The following SHISA2 variants were observed in gnomAD, a reference collection of about 807,000 sequenced individuals.
The protein encoded by SHISA2 is protein shisa-2 homolog.
A neutral mutation model predicts 23.8 loss-of-function variants in SHISA2; 16 were observed. The ratio of observed to expected loss-of-function variants is 0.67; its 90% CI spans 0.46 to 1.02. The LOEUF is 1.02. SHISA2 is among the 50% of genes least tolerant of loss of function. The probability of loss-of-function intolerance (pLI) is 0.00; values close to 1 mark genes in which losing one functional copy is unlikely to be tolerated. For synonymous variants in SHISA2, 201 were observed against 178.6 expected (o/e 1.13, Z -1.00); for missense variants, 459 against 420.1 (o/e 1.09, Z -0.81).
At chr13:26,049,247 A>T (rs774126733) in intron 1 of SHISA2, among the ~76,000 whole-genome samples, 2 of 152,220 alleles carry the variant, frequency 1.3e-5, no homozygotes, top group Non-Finnish European at 2.9e-5. Flanking sequence ...TAACGCTACT[A>T]TAAGCCCCCC....
At chr13:26,049,142 C>T (rs1196205650) in intron 1 of SHISA2, among the ~76,000 whole-genome samples, 2 of 152,146 alleles carry the variant, frequency 1.3e-5, no homozygotes, top group East Asian at 1.9e-4. Flanking sequence ...CTGAAACCAG[C>T]CTCAGTCCAC....
chr13:26,046,727 G>C lies in SHISA2; in HGVS notation c.674C>G (p.Ser225Cys), dbSNP rs753662494. ...GGTGGCCTGCTGACAGTTCAGCACAGAGAAATTCGTGGGCATGTTGACATA... is the reference window on the plus strand; with the variant it reads ...GGTGGCCTGCTGACAGTTCAGCACACAGAAATTCGTGGGCATGTTGACATA... ...NVYVNMPTNFSVLNCQQATQI... is the reference protein window; with the variant it reads ...NVYVNMPTNFCVLNCQQATQI... The change falls in exon 2 of 2, where the codon TCT (serine) becomes TGT (cysteine). Residue 225 changes from serine (S) to cysteine (C), a missense_variant. Transcript: ENST00000319420. 6.2e-7 allele frequency: 1 copy of C among 1,614,244 alleles called. No individual in the cohort carries two copies. Among genetic ancestry groups the C allele is most frequent in the South Asian group, 1.1e-5 (1 of 91,080 alleles).
rs1488919115 is a variant in SHISA2 at position 26,046,681 on chromosome 13, C to T, written c.720G>A (p.Gly240=). Residue 240 remains glycine (G), a synonymous_variant, in exon 2 of 2, where the codon GGG becomes GGA. Transcript: ENST00000319420. ...CCACGTATGGGGGATGCAGATACTG[C>T]CCTTGATGTGGCACAATCTGGGTGG... ...QQATQIVPHQ[G]QYLHPPYVGY... 1.1e-5 allele frequency: 17 copies of T among 1,614,218 alleles called. No homozygotes were observed. The East Asian group carries it at 3.1e-4, about 30-fold the overall frequency.
intron 1 of SHISA2, 77 bp downstream of exon 1, chr13:26,050,565 C>A (rs886729685): frequency 3.8e-6 from 5 of 1,317,904 alleles, no homozygotes; most frequent in Non-Finnish European, 4.9e-6. Flanking sequence ...GAATTTCCCC[C>A]CTTCAAACTC....
chr13:26,050,193 CAG>C (rs1309561852), intron 1 of SHISA2, among the ~76,000 whole-genome samples: 2 of 152,176 alleles, frequency 1.3e-5, no homozygotes, highest in African/African-American at 4.8e-5. Flanking sequence ...CACGGGGCAG[CAG>C]CCCCGGGAAA....
Position 26,045,378 on chromosome 13 carries a change from A to G in SHISA2, c.*1135T>C, listed in dbSNP as rs1342977869. The stretch of plus-strand genomic sequence containing the variant: ...GCGGGTGATAGTTTATGATTTCAAT[A>G]TAAAAAAGAATGCATTACCTCTCAG... On this transcript the variant is annotated 3_prime_UTR_variant, in exon 2 of 2. Transcript: ENST00000319420. 6.6e-6 allele frequency: 1 copy of G among 152,202 alleles called. No individual in the cohort carries two copies. Among genetic ancestry groups the G allele is most frequent in the Non-Finnish European group, 1.5e-5 (1 of 68,040 alleles). 9.4% of individuals were successfully genotyped at this position (152,202 alleles called of 1,614,324 possible).
At chr13:26,049,472 T>G (rs1957286138) in intron 1 of SHISA2, among the ~76,000 whole-genome samples, 1 of 152,196 alleles carries the variant, frequency 6.6e-6, no homozygotes, top group African/African-American at 2.4e-5. Context: ...GACATCTCAC[T>G]GTAGCAGTTC....
In SHISA2 at chr13:26,046,530, G is replaced by C. The variant is rs766798560; in HGVS notation, c.871C>G (p.Pro291Ala). The C allele has an allele frequency of 5.6e-6, 9 of 1,608,018 alleles. No homozygotes were observed. Among genetic ancestry groups the C allele is most frequent in the Non-Finnish European group, 7.7e-6 (9 of 1,176,352 alleles). Residue 291 changes from proline (P) to alanine (A), a missense_variant, in exon 2 of 2, where the codon CCA becomes GCA. Pro to Ala is a conservative substitution (Grantham distance 27). Transcript: ENST00000319420. ...ACTCTCGGTTATACAGTCACCGCTG[G>C]GTACATCTTCTGTTCACTGTTGGTG... ...PHTNSEQKMY[P>A]AVTV
Position 26,046,636 on chromosome 13 carries a change from G to C in SHISA2, c.765C>G (p.Asp255Glu). ...PPYVGYTVQH[D>E]SVPMTAVPPF... The stretch of plus-strand genomic sequence containing the variant: ...GTGGCACAGCTGTCATGGGCACAGA[G>C]TCGTGCTGCACCGTGTACCCCACGT... The change falls in exon 2 of 2, where the codon GAC (aspartate) becomes GAG (glutamate). Residue 255 changes from aspartate (D) to glutamate (E), a missense_variant. Coordinates refer to ENST00000319420, the MANE Select transcript of SHISA2 (RefSeq NM_001007538.2). 6.2e-7 allele frequency: 1 copy of C among 1,614,232 alleles called. No individual in the cohort carries two copies. The highest frequency in any genetic ancestry group is 2.2e-5 in the East Asian group (1 of 44,888).
rs551345381 is a variant in SHISA2 at position 26,050,885 on chromosome 13, C to T, written c.91G>A (p.Ala31Thr). ...LLLAALLAAG[A>T]RASGEYCHGW... The stretch of plus-strand genomic sequence containing the variant: ...TGGCAGTACTCGCCGCTGGCCCTCG[C>T]CCCCGCCGCCAGCAGCGCAGCCAGC... Residue 31 changes from alanine (A) to threonine (T), a missense_variant, in exon 1 of 2, where the codon GCG (alanine) becomes ACG (threonine). Physicochemically the swap from Ala to Thr is moderately conservative, Grantham distance 58 (BLOSUM62 0). Coordinates refer to ENST00000319420, the MANE Select transcript of SHISA2 (RefSeq NM_001007538.2). 2.0e-4 allele frequency: 302 copies of T among 1,520,288 alleles called. 1 individual carries two copies. In the African/African-American group the frequency reaches 2.6e-3, roughly 13 times the overall value. The allele number at this position is 1,520,288 out of a possible 1,614,324, so 94.2% of individuals were successfully genotyped here.
Position 26,050,874 on chromosome 13 carries a change from G to T in SHISA2, c.102C>A (p.Ser34Arg). Residue 34 changes from serine (S) to arginine (R), a missense_variant, in exon 1 of 2, where the codon AGC (serine) becomes AGA (arginine). Coordinates refer to ENST00000319420, the MANE Select transcript of SHISA2 (RefSeq NM_001007538.2). ...AALLAAGARA[S>R]GEYCHGWLDA... Reference sequence around the variant, plus strand: ...CCAGCCAGCCGTGGCAGTACTCGCCGCTGGCCCTCGCCCCCGCCGCCAGCA... The same window carrying T: ...CCAGCCAGCCGTGGCAGTACTCGCCTCTGGCCCTCGCCCCCGCCGCCAGCA... The T allele has an allele frequency of 6.6e-7, 1 of 1,522,316 alleles. No homozygotes were observed. 94.3% of individuals were successfully genotyped at this position (1,522,316 alleles called of 1,614,324 possible). A position where few individuals can be genotyped will look rare whatever the true frequency, so the allele number is the denominator to read the frequency against.
Position 26,051,376 on chromosome 13 carries a change from A to G in SHISA2, c.-401T>C, listed in dbSNP as rs541006020. ...GCTGGGCGCGCCGCCGCGGACCTGGAGCCAGGGCTCTGCGCAGGGTTTAAG... is the reference window on the plus strand; with the variant it reads ...GCTGGGCGCGCCGCCGCGGACCTGGGGCCAGGGCTCTGCGCAGGGTTTAAG... On this transcript the variant is annotated 5_prime_UTR_variant, in exon 1 of 2. Transcript: ENST00000319420. Among the ~76,000 whole-genome samples the G allele has an allele frequency of 1.6e-4, 24 of 152,114 alleles. No homozygotes were observed. Among genetic ancestry groups the G allele is most frequent in the East Asian group, 1.6e-3 (8 of 5,100 alleles).
In SHISA2 at chr13:26,046,081, TTAAAA is replaced by T. The variant is rs144570734; in HGVS notation, c.*427_*431del. ...GGCAACAGAGCAAGACCCTGTCTGA[TTAAAA>T]AAAAAAAAAAAAAAAAAAAAAGTCC... On this transcript the variant is annotated 3_prime_UTR_variant, in exon 2 of 2. Coordinates refer to ENST00000319420, the MANE Select transcript of SHISA2 (RefSeq NM_001007538.2). 2,036 of 97,496 alleles carry T rather than the reference TTAAAA, an allele frequency of 0.021. 22 individuals carry two copies. Among genetic ancestry groups the T allele is most frequent in the African/African-American group, 0.079 (1,871 of 23,744 alleles). The allele number at this position is 97,496 out of a possible 1,614,324, so 6.0% of individuals were successfully genotyped here. A position where few individuals can be genotyped will look rare whatever the true frequency, so the allele number is the denominator to read the frequency against.
intron 1 of SHISA2, among the ~76,000 whole-genome samples, 157 bp downstream of exon 1, chr13:26,050,485 T>TTAGG (rs1254359369): frequency 2.0e-5 from 3 of 152,290 alleles, no homozygotes; most frequent in African/African-American, 7.2e-5. Context: ...TGAGGGTGAA[T>TTAGG]TAGGGACCCA....
intron 1 of SHISA2, among the ~76,000 whole-genome samples, chr13:26,049,617 T>C (rs1957287203): frequency 6.6e-6 from 1 of 152,104 alleles, no homozygotes; most frequent in Non-Finnish European, 1.5e-5. Context: ...AGGAGTAGCA[T>C]GCTAATAAAA....
At position 26,046,835 on chromosome 13, in the gene SHISA2, G is replaced by C. The variant is rs1957271853; in HGVS notation, c.566C>G (p.Ser189Cys). The C allele has an allele frequency of 1.9e-6, 3 of 1,614,006 alleles. No individual in the cohort carries two copies. The highest frequency in any genetic ancestry group is 3.3e-5 in the Admixed American group (2 of 60,000). ...CGCCCGGGCCCCTGAGTTGGCGCTG[G>C]AGCTGGAACTGGCAGCTGTGCTGGA... ...RQSSTAASSS[S>C]SANSGARAPP... Residue 189 changes from serine to cysteine, a missense_variant, in exon 2 of 2, where the codon TCC (serine) becomes TGC (cysteine). By Grantham distance (112) the Ser-to-Cys change is moderately radical. Transcript: ENST00000319420.
chr13:26,046,405 C>T lies in SHISA2; in HGVS notation c.*108G>A. 1 of 1,167,994 alleles carries T rather than the reference C, an allele frequency of 8.6e-7. No homozygotes were observed. The highest frequency in any genetic ancestry group is 1.2e-6 in the Non-Finnish European group (1 of 846,560). 72.4% of individuals were successfully genotyped at this position (1,167,994 alleles called of 1,614,324 possible). On this transcript the variant is annotated 3_prime_UTR_variant, in exon 2 of 2. Coordinates refer to ENST00000319420, the MANE Select transcript of SHISA2 (RefSeq NM_001007538.2). ...ACAGTCTGGGGGCAAATGAAGCCAT[C>T]CAAAGGAATCGTGCCATAAATACCA...
chr13:26,047,127 C>T, intron 1 of SHISA2, 61 bp from the exon 2 acceptor site: 2 of 1,461,724 alleles, frequency 1.4e-6, no homozygotes, highest in South Asian at 2.8e-5. Context: ...TACCAATCGC[C>T]AACTGGCAAT....
chr13:26,046,605 T>C lies in SHISA2; in HGVS notation c.796A>G (p.Met266Val), dbSNP rs530008497. 1.2e-6 allele frequency: 2 copies of C among 1,614,086 alleles called. No homozygotes were observed. Among genetic ancestry groups the C allele is most frequent in the African/African-American group, 1.3e-5 (1 of 75,010 alleles). Residue 266 changes from methionine to valine, a missense_variant, in exon 2 of 2, where the codon ATG becomes GTG. By Grantham distance (21) the Met-to-Val change is conservative. Transcript: ENST00000319420. ...SVPMTAVPPF[M>V]DGLQPGYRQI... ...CTGTAGCCAGGCTGCAGGCCGTCCA[T>C]GAAAGGTGGCACAGCTGTCATGGGC...
Sources: gnomAD v4.1 joint callset for allele counts (sites outside exome capture counted in the v4.1 genomes callset) on GRCh38, gnomAD v4.1.1 for gene constraint, MANE v1.5 for transcripts, NCBI Gene and HGNC (gene_info 2026-07-23, HGNC 2026-07-21) for gene names.